Variants in ANKRD36C observed in about 807,000 individuals in gnomAD.
The protein encoded by ANKRD36C is ankyrin repeat domain 36C, also known as ankyrin repeat domain-containing protein 36C.
A neutral mutation model predicts 276.4 loss-of-function variants in ANKRD36C; 61 were observed. The ratio of observed to expected loss-of-function variants is 0.22; its 90% CI spans 0.18 to 0.27. ANKRD36C has a LOEUF of 0.27. Ranked by LOEUF, ANKRD36C falls within the 10% of genes least tolerant of loss-of-function variation. ANKRD36C has a pLI of 1.00. For synonymous variants in ANKRD36C, 483 were observed against 680.1 expected (o/e 0.71, Z 4.51); for missense variants, 1,447 against 2,032.3 (o/e 0.71, Z 5.54).
At chr2:95,975,266 G>C (rs1196978874) in intron 6 of ANKRD36C, among the ~76,000 whole-genome samples, 1 of 151,946 alleles carries the variant, frequency 6.6e-6, no homozygotes, top group Admixed American at 6.6e-5. Context: ...TCACAGAATT[G>C]GAAAAAACTA....
rs562299899 is a variant in ANKRD36C at position 95,970,675 on chromosome 2, TA to T, written c.799+7446del. On this transcript the variant is annotated intron_variant, in intron 6 of 66. Transcript: ENST00000456556. ...TAGTTATAAGTGAGTCATGTTATAA[TA>T]ATATAGACTGTTTTCAAAGTGATCC... is the stretch of plus-strand genomic sequence containing the variant. 1.3e-3 allele frequency among the ~76,000 whole-genome samples: 192 copies of T among 152,318 alleles called. 1 individual carries two copies. Among genetic ancestry groups the T allele is most frequent in the Admixed American group, 0.011 (175 of 15,294 alleles).
At chr2:95,938,138 G>A (rs1397859575) in intron 22 of ANKRD36C, among the ~76,000 whole-genome samples, 1 of 152,250 alleles carries the variant, frequency 6.6e-6, no homozygotes, top group Non-Finnish European at 1.5e-5. Context: ...ACCTATGAAA[G>A]TGCAAGTATC....
At chr2:95,886,706 T>TA (rs1676211455) in intron 50 of ANKRD36C, among the ~76,000 whole-genome samples, 1 of 151,760 alleles carries the variant, frequency 6.6e-6, no homozygotes, top group African/African-American at 2.4e-5. Context: ...GGTACACAAT[T>TA]ACAATGACAC....
chr2:95,957,064 C>T (rs1298624652), intron 12 of ANKRD36C, among the ~76,000 whole-genome samples: 1 of 150,676 alleles, frequency 6.6e-6, no homozygotes. Flanking sequence ...GCCTGTAATC[C>T]CAGCACTTTG....
At chr2:95,915,629 T>G (rs981852460) in intron 38 of ANKRD36C, among the ~76,000 whole-genome samples, 1 of 151,506 alleles carries the variant, frequency 6.6e-6, no homozygotes. Context: ...TTTAGCCCTA[T>G]GATGTGACGT....
chr2:95,875,107 T>G (rs548315327), intron 59 of ANKRD36C, among the ~76,000 whole-genome samples: 2 of 152,344 alleles, frequency 1.3e-5, no homozygotes, highest in African/African-American at 4.8e-5. Flanking sequence ...TCAACCATTG[T>G]GGAAGTCAGT....
intron 10 of ANKRD36C, among the ~76,000 whole-genome samples, chr2:95,960,258 A>G (rs556742563): frequency 1.1e-4 from 16 of 152,108 alleles, no homozygotes; most frequent in African/African-American, 3.6e-4. Context: ...CTTCTTCCCA[A>G]TTTCAGTGTA....
In ANKRD36C at chr2:95,925,644, C is replaced by T. The variant is rs906825217; in HGVS notation, c.1940-97G>A. ...TTAGCATCAAGCTGTATCCTCCCAC[C>T]TGCACTAGTGTAGGATTTGATGTTT... is the stretch of plus-strand genomic sequence containing the variant. On this transcript the variant is annotated intron_variant, in intron 28 of 66. Transcript: ENST00000456556. 25 of 1,270,246 alleles carry T rather than the reference C, an allele frequency of 2.0e-5. 1 individual carries two copies. The Middle Eastern group carries it at 2.2e-3, about 111-fold the overall frequency. 78.7% of individuals were successfully genotyped at this position (1,270,246 alleles called of 1,614,324 possible). A position where few individuals can be genotyped will look rare whatever the true frequency, so the allele number is the denominator to read the frequency against.
At chr2:95,893,603 A>G in intron 44 of ANKRD36C, 4 of 1,583,748 alleles carry the variant, frequency 2.5e-6, no homozygotes, top group Non-Finnish European at 3.4e-6. Context: ...CGTCACCTGT[A>G]GCCTGAATGG....
Position 95,897,209 on chromosome 2 carries a change from C to G in ANKRD36C, c.2755+1936G>C, listed in dbSNP as rs926687391. ...AACGAGCCCCCCGCTGATTTATTCA[C>G]GGAAGAGAATTTCTTATCTATCTGG... On this transcript the variant is annotated intron_variant, in intron 44 of 66. Coordinates refer to ENST00000456556, the Ensembl canonical transcript of ANKRD36C. 35 of 1,262,988 alleles carry G rather than the reference C, an allele frequency of 2.8e-5. 1 individual carries two copies. Among genetic ancestry groups the G allele is most frequent in the African/African-American group, 2.7e-4 (18 of 65,962 alleles). 78.2% of individuals were successfully genotyped at this position (1,262,988 alleles called of 1,614,324 possible). A position where few individuals can be genotyped will look rare whatever the true frequency, so the allele number is the denominator to read the frequency against.
chr2:95,910,568 A>G, intron 42 of ANKRD36C: 2 of 1,606,136 alleles, frequency 1.2e-6, no homozygotes, highest in East Asian at 2.3e-5. Flanking sequence ...CTGAGAAGAC[A>G]CTGAAAAGCA....
exon 47 of ANKRD36C, chr2:95,889,968 T>C (rs1488973982): frequency 2.5e-6 from 4 of 1,609,824 alleles, no homozygotes; most frequent in Non-Finnish European, 3.4e-6. Flanking sequence ...TTAATTACCT[T>C]CAAGGCTGGT....
intron 6 of ANKRD36C, among the ~76,000 whole-genome samples, chr2:95,971,783 A>C (rs1678706477): frequency 6.6e-6 from 1 of 152,160 alleles, no homozygotes; most frequent in South Asian, 2.1e-4. Context: ...AAATTTTTTT[A>C]TTTTAATTTT....
intron 42 of ANKRD36C, among the ~76,000 whole-genome samples, chr2:95,911,747 T>C (rs887113442): frequency 7.3e-5 from 11 of 151,470 alleles, no homozygotes; most frequent in Non-Finnish European, 1.5e-4. Flanking sequence ...CCCAAAATTA[T>C]ATAAACGACT....
At chr2:95,950,621 A>G in intron 16 of ANKRD36C, 128 bp downstream of exon 16, 1 of 1,179,014 alleles carries the variant, frequency 8.5e-7, no homozygotes, top group Non-Finnish European at 1.2e-6. Flanking sequence ...TGAAGATGAC[A>G]TGACATGACA....
chr2:95,974,066 T>C (rs1286119757), intron 6 of ANKRD36C, among the ~76,000 whole-genome samples: 1 of 148,096 alleles, frequency 6.8e-6, no homozygotes, highest in Non-Finnish European at 1.5e-5. Context: ...AAAAAAAAAA[T>C]CAAGAAACTT....
At chr2:95,857,670 G>A (rs1201695041) in intron 61 of ANKRD36C, among the ~76,000 whole-genome samples, 178 bp from the exon 82 acceptor site, 1 of 150,096 alleles carries the variant, frequency 6.7e-6, no homozygotes, top group African/African-American at 2.4e-5. Context: ...ATCTGACTCT[G>A]GCATAACCTT....
chr2:95,897,719 A>T (rs1322797722), intron 44 of ANKRD36C, among the ~76,000 whole-genome samples: 2 of 147,498 alleles, frequency 1.4e-5, no homozygotes, highest in African/African-American at 2.5e-5. Context: ...AAATAAAACC[A>T]TGTCAATATC....
chr2:95,873,648 A>C (rs904712255), intron 59 of ANKRD36C, among the ~76,000 whole-genome samples: 1 of 152,252 alleles, frequency 6.6e-6, no homozygotes, highest in Non-Finnish European at 1.5e-5. Flanking sequence ...CACCACTCCT[A>C]TTCAACATAG....
Sources: gnomAD v4.1 joint callset for allele counts (sites outside exome capture counted in the v4.1 genomes callset) on GRCh38, gnomAD v4.1.1 for gene constraint, MANE v1.5 for transcripts, NCBI Gene and HGNC (gene_info 2026-07-23, HGNC 2026-07-21) for gene names.